CRHR2: variants seen among roughly 807,000 people sequenced by gnomAD.
The protein encoded by CRHR2 is corticotropin-releasing hormone receptor 2.
CRHR2 carries 53 observed loss-of-function variants against 57.9 expected under a neutral mutation model. That is an observed-to-expected ratio of 0.92 (90% CI 0.73 to 1.15). CRHR2 has a LOEUF of 1.15. CRHR2 is among the 50% of genes most tolerant of loss of function. The pLI is 0.00. For synonymous variants in CRHR2, 213 were observed against 220.9 expected, an observed-to-expected ratio of 0.96 and a Z score of 0.32; for missense variants, 532 against 542.6, an observed-to-expected ratio of 0.98 and a Z score of 0.19.
At chr7:30,655,539 G>A (rs1783748022) in intron 10 of CRHR2, 41 bp downstream of exon 10, 2 of 1,588,460 alleles carry the variant, frequency 1.3e-6, no homozygotes, top group Non-Finnish European at 1.7e-6. Flanking sequence ...GCAGCCTCAG[G>A]AAAGCTCACT....
chr7:30,653,362 T>A lies in CRHR2; in HGVS notation c.*98A>T, dbSNP rs1783655596. On this transcript the variant is annotated 3_prime_UTR_variant, in exon 12 of 12. Coordinates refer to ENST00000471646, the MANE Select transcript of CRHR2 (RefSeq NM_001883.5). The surrounding 1 kb of genome is among the most constrained non-coding windows in gnomAD (Gnocchi z 5.0). ...CAGGCTGGAGAGCTGGTCTCTCCCC[T>A]CCCATCTCCTGCCCCACGAGAGCCT... 6 of 1,499,126 alleles carry A rather than the reference T, an allele frequency of 4.0e-6. No homozygotes were observed. The highest frequency in any genetic ancestry group is 4.5e-6 in the Non-Finnish European group (5 of 1,114,948). 92.9% of individuals were successfully genotyped at this position (1,499,126 alleles called of 1,614,324 possible).
intron 10 of CRHR2, 76 bp downstream of exon 10, chr7:30,655,495 ACGGGACCCC>A (rs1357405588): frequency 3.3e-6 from 5 of 1,499,496 alleles, no homozygotes; most frequent in Non-Finnish European, 4.5e-6. Flanking sequence ...TGCCAGTCCC[ACGGGACCCC>A]CTTAGTGAGG....
intron 7 of CRHR2, among the ~76,000 whole-genome samples, chr7:30,661,399 A>G (rs897692421): frequency 4.6e-5 from 7 of 152,028 alleles, no homozygotes; most frequent in Admixed American, 2.0e-4. Context: ...CCCTCCTTTG[A>G]CAGGAAGCTC....
upstream of CRHR2, chr7:30,686,394 C>T (rs1784858213): frequency 2.6e-6 from 4 of 1,532,170 alleles, no homozygotes; most frequent in Non-Finnish European, 1.7e-6. Flanking sequence ...GATACCTTGG[C>T]AGAAGAGCTG....
At chr7:30,688,890 T>A (rs566161428) in intron 2 of CRHR2, 1 of 529,404 alleles carries the variant, frequency 1.9e-6, no homozygotes, top group South Asian at 1.5e-5. Flanking sequence ...GTTGGAAAGC[T>A]GAGGGGTCAT....
intron 2 of CRHR2, among the ~76,000 whole-genome samples, chr7:30,674,843 T>A (rs1305091421): frequency 2.0e-5 from 3 of 151,944 alleles, no homozygotes; most frequent in East Asian, 1.9e-4. Flanking sequence ...CCCAAGGACA[T>A]GATGGCCCCT....
intron 2 of CRHR2, among the ~76,000 whole-genome samples, chr7:30,667,686 G>A (rs2240404): frequency 0.25 from 38,382 of 152,154 alleles, 7,894 homozygotes; most frequent in African/African-American, 0.57. Flanking sequence ...TATTTATGAG[G>A]TCCATACTTC....
intron 1 of CRHR2, among the ~76,000 whole-genome samples, chr7:30,694,871 G>A (rs1688200956): frequency 7.0e-6 from 1 of 142,576 alleles, no homozygotes; most frequent in Admixed American, 7.0e-5. Context: ...AAAGGAGGAA[G>A]GAGGAGCAGG....
At chr7:30,676,941 C>G (rs1463431275) in intron 2 of CRHR2, among the ~76,000 whole-genome samples, 2 of 152,340 alleles carry the variant, frequency 1.3e-5, no homozygotes, top group East Asian at 1.9e-4. Flanking sequence ...ATGACCCCAG[C>G]CATTCCCAGT....
chr7:30,667,224 T>A lies in CRHR2; in HGVS notation c.315+4A>T, dbSNP rs1273410188. ...TGGGGTCACAGCAGGTGAGGGCCAC[T>A]CACCTTGTCATCCAAAATGGGCTCA... is the stretch of plus-strand genomic sequence containing the variant. On this transcript the variant is annotated splice_donor_region_variant and intron_variant, in intron 3 of 11. Transcript: ENST00000471646. 1 of 1,613,844 alleles carries A rather than the reference T, an allele frequency of 6.2e-7. No homozygotes were observed. The highest frequency in any genetic ancestry group is 8.5e-7 in the Non-Finnish European group (1 of 1,179,862).
At chr7:30,685,494 GTT>G (rs1784838298), upstream of CRHR2, among the ~76,000 whole-genome samples, 1 of 152,170 alleles carries the variant, frequency 6.6e-6, no homozygotes, top group Non-Finnish European at 1.5e-5. Flanking sequence ...TTACGACGGG[GTT>G]GCTGAGGGCA....
upstream of CRHR2, among the ~76,000 whole-genome samples, chr7:30,684,901 CAG>C (rs1410924106): frequency 3.3e-5 from 5 of 152,312 alleles, no homozygotes; most frequent in African/African-American, 4.8e-5. Flanking sequence ...CAAACAAAGA[CAG>C]GGGCATTTTT....
At chr7:30,654,864 C>G (rs1286813507) in intron 11 of CRHR2, 175 bp downstream of exon 11, 1 of 1,548,596 alleles carries the variant, frequency 6.5e-7, no homozygotes, top group African/African-American at 1.4e-5. Context: ...AGTTGACCTT[C>G]TAAACTGGCT....
intron 2 of CRHR2, among the ~76,000 whole-genome samples, chr7:30,676,168 G>C (rs62446873): frequency 0.082 from 12,454 of 152,260 alleles, 575 homozygotes; most frequent in Admixed American, 0.12. Context: ...GGCTGGACTC[G>C]GAACATAGAG....
At chr7:30,687,307 C>G (rs7794226), upstream of CRHR2, among the ~76,000 whole-genome samples, 42,233 of 151,914 alleles carry the variant, frequency 0.28, 9,040 homozygotes, top group African/African-American at 0.6. Context: ...GTGATGCATC[C>G]CCAGAGTGGC....
Position 30,653,424 on chromosome 7 carries a change from A to G in CRHR2, c.*36T>C. 1 of 1,604,834 alleles carries G rather than the reference A, an allele frequency of 6.2e-7. No homozygotes were observed. Among genetic ancestry groups the G allele is most frequent in the Non-Finnish European group, 8.5e-7 (1 of 1,175,544 alleles). ...AGAACCCAGAGGAAGAAGGTGGAGG[A>G]GGACAGGGGAGCTGTGCAGGTGGGC... On this transcript the variant is annotated 3_prime_UTR_variant, in exon 12 of 12. Transcript: ENST00000471646. This position sits in a 1 kb window ranked among gnomAD's most constrained non-coding sequence, Gnocchi z 5.0.
At chr7:30,680,520 C>T (rs146837110) in intron 2 of CRHR2, among the ~76,000 whole-genome samples, 80 of 152,320 alleles carry the variant, frequency 5.3e-4, no homozygotes, top group African/African-American at 1.9e-3. Flanking sequence ...GCATGCTGAT[C>T]TCCATTGCCC....
Position 30,681,922 on chromosome 7 carries a change from G to A in CRHR2, c.222C>T (p.Asn74=). 3 of 1,611,170 alleles carry A rather than the reference G, an allele frequency of 1.9e-6. No individual in the cohort carries two copies. Among genetic ancestry groups the A allele is most frequent in the Non-Finnish European group, 1.7e-6 (2 of 1,179,086 alleles). ...AGGGCCGGGGGCACTCACGGGTCGTGTTGTACTTGACGCCGTTGAAGTACT... is the reference window on the plus strand; with the variant it reads ...AGGGCCGGGGGCACTCACGGGTCGTATTGTACTTGACGCCGTTGAAGTACT... ...CPEYFNGVKY[N]TTRNAYRECL... Residue 74 remains asparagine (N), a synonymous_variant, in exon 2 of 12, where the codon AAC becomes AAT. Coordinates refer to ENST00000471646, the MANE Select transcript of CRHR2 (RefSeq NM_001883.5).
At chr7:30,679,288 G>C (rs1784620889) in intron 2 of CRHR2, among the ~76,000 whole-genome samples, 1 of 152,226 alleles carries the variant, frequency 6.6e-6, no homozygotes, top group Non-Finnish European at 1.5e-5. Context: ...CTCTTGTGGA[G>C]GGAGTACTGC....
Sources: gnomAD v4.1 joint callset for allele counts (sites outside exome capture counted in the v4.1 genomes callset) on GRCh38, gnomAD v4.1.1 for gene constraint, Gnocchi (gnomAD v3.1) non-coding constraint, MANE v1.5 for transcripts, NCBI Gene and HGNC (gene_info 2026-07-23, HGNC 2026-07-21) for gene names.